The following FAM114A2 variants were observed in gnomAD, a reference collection of about 807,000 sequenced individuals.
FAM114A2 encodes the protein family with sequence similarity 114 member A2.
FAM114A2 carries 53 observed loss-of-function variants against 58.4 expected under a neutral mutation model. That is an observed-to-expected ratio of 0.91 (90% CI 0.73 to 1.14). The LOEUF is 1.14. FAM114A2 is among the 50% of genes most tolerant of loss of function. The probability of loss-of-function intolerance (pLI) is 0.00; values close to 1 mark genes in which losing one functional copy is unlikely to be tolerated. For missense variants in FAM114A2, 601 were observed against 581.1 expected, an observed-to-expected ratio of 1.03 and a Z score of -0.35; for synonymous variants, 228 against 211.4, an observed-to-expected ratio of 1.08 and a Z score of -0.68.
intron 13 of FAM114A2, 110 bp downstream of exon 13, chr5:153,994,809 C>T (rs998612743): frequency 2.9e-6 from 2 of 690,930 alleles, no homozygotes; most frequent in Non-Finnish European, 5.2e-6. Context: ...ATCAATATGG[C>T]TAAACTACCA....
At chr5:153,993,689 T>C (rs1769382936) in intron 13 of FAM114A2, among the ~76,000 whole-genome samples, 1 of 152,186 alleles carries the variant, frequency 6.6e-6, no homozygotes, top group South Asian at 2.1e-4. Context: ...ACTTCATTTA[T>C]ACTGAAAAGC....
intron 4 of FAM114A2, among the ~76,000 whole-genome samples, chr5:154,031,049 T>C (rs1194227873): frequency 6.6e-6 from 1 of 152,052 alleles, no homozygotes; most frequent in African/African-American, 2.4e-5. Context: ...CAGCAGCTTA[T>C]ACCTGTAATC....
chr5:154,000,378 TAATA>T (rs1769896578), intron 11 of FAM114A2, among the ~76,000 whole-genome samples: 1 of 152,162 alleles, frequency 6.6e-6, no homozygotes, highest in Non-Finnish European at 1.5e-5. Flanking sequence ...CATATAGACA[TAATA>T]AATACTCAAG....
chr5:154,015,864 C>CA (rs1252218685), intron 8 of FAM114A2, among the ~76,000 whole-genome samples: 9 of 151,636 alleles, frequency 5.9e-5, no homozygotes, highest in African/African-American at 7.3e-5. Context: ...TTAAGGAAAT[C>CA]AAAAAAATGA....
intron 11 of FAM114A2, among the ~76,000 whole-genome samples, chr5:154,000,504 A>C (rs953194486): frequency 1.3e-5 from 2 of 152,148 alleles, no homozygotes; most frequent in African/African-American, 4.8e-5. Flanking sequence ...TTTTAAAAAG[A>C]CGGAAAAGGC....
At chr5:153,998,117 TAA>T (rs1769709277) in intron 11 of FAM114A2, among the ~76,000 whole-genome samples, 1 of 152,174 alleles carries the variant, frequency 6.6e-6, no homozygotes. Flanking sequence ...AAATAATTCA[TAA>T]GTTTTTAATT....
chr5:154,034,027 T>TA (rs1330281619), intron 3 of FAM114A2, 144 bp from the exon 4 acceptor site: 2 of 665,050 alleles, frequency 3.0e-6, no homozygotes, highest in Admixed American at 2.9e-5. Flanking sequence ...ACTATTTCCT[T>TA]AAAAAAATTG....
intron 9 of FAM114A2, among the ~76,000 whole-genome samples, chr5:154,009,521 TA>T (rs545599989): frequency 3.5e-4 from 53 of 152,290 alleles, no homozygotes; most frequent in African/African-American, 1.2e-3. Context: ...GAAGAGAAAT[TA>T]TGATGAATAG....
chr5:153,993,421 T>C (rs1390933299), intron 13 of FAM114A2, among the ~76,000 whole-genome samples: 1 of 152,148 alleles, frequency 6.6e-6, no homozygotes, highest in Non-Finnish European at 1.5e-5. Context: ...TTGAGTAGGG[T>C]AGATTCTGTC....
At chr5:153,994,804 T>G in intron 13 of FAM114A2, 115 bp downstream of exon 13, 1 of 674,928 alleles carries the variant, frequency 1.5e-6, no homozygotes, top group South Asian at 1.7e-5. Context: ...TCTACATCAA[T>G]ATGGCTAAAC....
chr5:154,002,744 TGAAA>T, intron 10 of FAM114A2, 99 bp downstream of exon 10: 2 of 1,160,130 alleles, frequency 1.7e-6, no homozygotes, highest in South Asian at 2.8e-5. Context: ...ATCACAAGGT[TGAAA>T]TTACGGACAG....
rs554945537 is a variant in FAM114A2 at position 153,995,034 on chromosome 5, G to C, written c.1330-62C>G. On this transcript the variant is annotated intron_variant, in intron 12 of 13. Transcript: ENST00000351797. ...GGTTAAATAACAGTAAGTGGAGTAC[G>C]ATCACACTTTAAAACACACACACAC... The C allele has an allele frequency of 1.9e-5, 20 of 1,043,878 alleles. No individual in the cohort carries two copies. In the African/African-American group the frequency reaches 3.0e-4, roughly 16 times the overall value. The allele number at this position is 1,043,878 out of a possible 1,614,324, so 64.7% of individuals were successfully genotyped here. A position where few individuals can be genotyped will look rare whatever the true frequency, so the allele number is the denominator to read the frequency against.
chr5:153,996,787 G>A (rs961879249), intron 12 of FAM114A2, among the ~76,000 whole-genome samples: 1 of 151,668 alleles, frequency 6.6e-6, no homozygotes, highest in Non-Finnish European at 1.5e-5. Flanking sequence ...ACCTAAGGTC[G>A]GGAGTTCGAG....
Position 154,027,242 on chromosome 5 carries a change from A to G in FAM114A2, c.723T>C (p.Phe241=). 1.2e-6 allele frequency: 2 copies of G among 1,613,684 alleles called. No homozygotes were observed. Among genetic ancestry groups the G allele is most frequent in the Non-Finnish European group, 1.7e-6 (2 of 1,179,684 alleles). The change falls in exon 7 of 14, where the codon TTT becomes TTC. Residue 241 remains phenylalanine, a synonymous_variant. Coordinates refer to ENST00000351797, the MANE Select transcript of FAM114A2 (RefSeq NM_018691.4). The part of the protein sequence containing the change: ...TDKKTHYGLL[F]DEFQGLSHLE... Reference sequence around the variant, plus strand: ...GATGTGAAAGGCCTTGAAATTCATCAAAGAGTAGCCCATAATGAGTTTTCT... The same window carrying G: ...GATGTGAAAGGCCTTGAAATTCATCGAAGAGTAGCCCATAATGAGTTTTCT...
intron 8 of FAM114A2, among the ~76,000 whole-genome samples, chr5:154,023,174 G>A (rs904691645): frequency 2.0e-5 from 3 of 152,114 alleles, no homozygotes; most frequent in Non-Finnish European, 2.9e-5. Flanking sequence ...ATTGGGAGAA[G>A]TGCCTAACAT....
In FAM114A2 at chr5:154,034,305, A is replaced by G; in HGVS notation, c.283T>C (p.Ser95Pro). 1 of 1,597,146 alleles carries G rather than the reference A, an allele frequency of 6.3e-7. No homozygotes were observed. Among genetic ancestry groups the G allele is most frequent in the South Asian group, 1.1e-5 (1 of 88,272 alleles). ...ACTGTAGCTACTGTAGCCGAGGCTG[A>G]GGAGAGTATGGACTTGCCCCAGCTC... ...WGSWGKSILS[S>P]ASATVATVGQ... is the part of the protein sequence containing the mutation. The change falls in exon 3 of 14, where the codon TCA (serine) becomes CCA (proline). Residue 95 changes from serine to proline, a missense_variant. Coordinates refer to ENST00000351797, the MANE Select transcript of FAM114A2 (RefSeq NM_018691.4).
intron 11 of FAM114A2, among the ~76,000 whole-genome samples, chr5:153,999,410 T>C (rs1401626007): frequency 6.6e-6 from 1 of 151,886 alleles, no homozygotes; most frequent in African/African-American, 2.4e-5. Flanking sequence ...TCAAGGCAGG[T>C]GGATCACTTG....
chr5:154,033,639 C>G (rs1772334570), intron 4 of FAM114A2, 152 bp downstream of exon 4: 1 of 568,962 alleles, frequency 1.8e-6, no homozygotes, highest in African/African-American at 1.9e-5. Context: ...ACATAGATGT[C>G]TAATTGGGAA....
intron 4 of FAM114A2, among the ~76,000 whole-genome samples, chr5:154,031,060 C>G (rs1240356659): frequency 6.6e-6 from 1 of 151,922 alleles, no homozygotes; most frequent in Non-Finnish European, 1.5e-5. Flanking sequence ...ACCTGTAATC[C>G]CAGCACTTTG....
Sources: allele counts gnomAD v4.1 joint callset (sites outside exome capture counted in the v4.1 genomes callset), GRCh38; gene constraint gnomAD v4.1.1; transcripts MANE v1.5; gene names NCBI Gene and HGNC (gene_info 2026-07-23, HGNC 2026-07-21).